Variants in HEPHL1 observed in about 807,000 individuals in gnomAD.
HEPHL1 encodes hephaestin like 1, also known as ferroxidase HEPHL1.
Under a neutral mutation model 122.0 loss-of-function variants are expected in HEPHL1, and 123 were observed. The observed-to-expected ratio is 1.01, with a 90% CI of 0.87 to 1.17. The LOEUF (loss-of-function observed/expected upper bound fraction) is 1.17, where lower values mean the gene tolerates loss of function less well. Ranked by LOEUF, HEPHL1 falls within the 50% of genes most tolerant of loss-of-function variation. The probability of loss-of-function intolerance (pLI) is 0.00; values close to 1 mark genes in which losing one functional copy is unlikely to be tolerated. For synonymous variants in HEPHL1, 527 were observed against 508.9 expected (o/e 1.04, Z -0.48); for missense variants, 1,452 against 1,430.5 (o/e 1.01, Z -0.24).
chr11:94,030,915 T>C (rs1472831392), intron 1 of HEPHL1, among the ~76,000 whole-genome samples: 5 of 152,112 alleles, frequency 3.3e-5, no homozygotes, highest in Non-Finnish European at 7.4e-5. Context: ...CCTCAATGCC[T>C]GAGAGGAGAG....
chr11:94,044,785 C>G (rs1047032474), intron 1 of HEPHL1, among the ~76,000 whole-genome samples: 42 of 137,166 alleles, frequency 3.1e-4, no homozygotes, highest in African/African-American at 1.1e-3. Context: ...TTTTTTGAGA[C>G]AGGATCTTGC....
intron 2 of HEPHL1, among the ~76,000 whole-genome samples, 174 bp downstream of exon 2, chr11:94,046,091 C>CTTTTTTTTT (rs755367459): frequency 0.044 from 2,843 of 64,994 alleles, 793 homozygotes; most frequent in East Asian, 0.14. Flanking sequence ...CCCTTTCTTG[C>CTTTTTTTTT]TTTTTTTTTT....
intron 4 of HEPHL1, 128 bp from the exon 5 acceptor site, chr11:94,067,368 G>T: frequency 1.2e-6 from 1 of 831,672 alleles, no homozygotes. Flanking sequence ...AGGTTTTTCT[G>T]CACCAAAACC....
At chr11:94,035,462 C>A (rs936771614) in intron 1 of HEPHL1, among the ~76,000 whole-genome samples, 2 of 152,198 alleles carry the variant, frequency 1.3e-5, no homozygotes, top group African/African-American at 4.8e-5. Flanking sequence ...AGAGGCGATG[C>A]CTGTGGGATC....
intron 17 of HEPHL1, among the ~76,000 whole-genome samples, chr11:94,108,800 T>A (rs1946427348): frequency 1.3e-5 from 2 of 152,146 alleles, no homozygotes; most frequent in Admixed American, 1.3e-4. Context: ...ATTACTTTAG[T>A]ATTATAGTAA....
chr11:94,098,980 A>G (rs570458355), intron 13 of HEPHL1, among the ~76,000 whole-genome samples: 2 of 152,286 alleles, frequency 1.3e-5, no homozygotes, highest in Non-Finnish European at 2.9e-5. Flanking sequence ...AGCTTGGAGA[A>G]GTCTGATCGT....
At chr11:94,037,740 G>A (rs201199812) in intron 1 of HEPHL1, among the ~76,000 whole-genome samples, 6,946 of 150,790 alleles carry the variant, frequency 0.046, 334 homozygotes, top group East Asian at 0.19. Flanking sequence ...CATCAAAGAC[G>A]AAAAGTAGAT....
At chr11:94,084,978 C>T (rs1429304832) in intron 10 of HEPHL1, among the ~76,000 whole-genome samples, 6 of 152,118 alleles carry the variant, frequency 3.9e-5, no homozygotes, top group Non-Finnish European at 8.8e-5. Flanking sequence ...TTTGCACCAA[C>T]CTAACAAAAA....
At chr11:94,030,738 C>G (rs964017712) in intron 1 of HEPHL1, among the ~76,000 whole-genome samples, 2 of 152,158 alleles carry the variant, frequency 1.3e-5, no homozygotes, top group African/African-American at 4.8e-5. Flanking sequence ...GTCCAGGGGT[C>G]AGGCATCCCA....
chr11:94,038,312 G>C (rs1278197878), intron 1 of HEPHL1, among the ~76,000 whole-genome samples: 1 of 144,222 alleles, frequency 6.9e-6, no homozygotes, highest in African/African-American at 2.6e-5. Context: ...TATTATCCAG[G>C]AGAACTTCCC....
rs115524328 is a variant in HEPHL1 at position 94,103,968 on chromosome 11, G to T, written c.2683-560G>T. On this transcript the variant is annotated intron_variant, in intron 15 of 19. Transcript: ENST00000315765. ...CCCACCAAATACTATGAGAGATGCAGATACTCTTGTCTTAAAGAAACTTAT... is the reference window on the plus strand; with the variant it reads ...CCCACCAAATACTATGAGAGATGCATATACTCTTGTCTTAAAGAAACTTAT... Among the ~76,000 whole-genome samples, 137 of 152,308 alleles carry T rather than the reference G, an allele frequency of 9.0e-4. 1 individual carries two copies. Among genetic ancestry groups the T allele is most frequent in the African/African-American group, 3.2e-3 (133 of 41,560 alleles).
chr11:94,091,938 G>T (rs144619815), intron 12 of HEPHL1, among the ~76,000 whole-genome samples: 1 of 152,310 alleles, frequency 6.6e-6, no homozygotes, highest in Non-Finnish European at 1.5e-5. Context: ...AGGCTCAGGA[G>T]GTGGCAAAAG....
intron 2 of HEPHL1, 71 bp downstream of exon 2, chr11:94,045,988 A>C: frequency 2.2e-6 from 3 of 1,348,676 alleles, no homozygotes; most frequent in Non-Finnish European, 3.0e-6. Context: ...AGAGTTAAAG[A>C]GATTTTAGGA....
At chr11:94,070,804 A>T (rs1316510862) in intron 6 of HEPHL1, among the ~76,000 whole-genome samples, 2 of 152,152 alleles carry the variant, frequency 1.3e-5, no homozygotes, top group Non-Finnish European at 2.9e-5. Flanking sequence ...AGTAGGCACT[A>T]TGTGCAAACT....
In HEPHL1 at chr11:94,112,697, A is replaced by G. The variant is rs191657910; in HGVS notation, c.*803A>G. ...AGACTGTGGGAGGGCTGAAATCTGT[A>G]AAAGAACATGTTAGGCTCTCCCTTT... On this transcript the variant is annotated 3_prime_UTR_variant, in exon 20 of 20. Transcript: ENST00000315765. The G allele has an allele frequency of 4.7e-4, 72 of 152,348 alleles. 1 individual carries two copies. In the East Asian group the frequency reaches 0.01, roughly 21 times the overall value. 9.4% of individuals were successfully genotyped at this position (152,348 alleles called of 1,614,324 possible).
At chr11:94,026,054 T>G (rs1945622113) in intron 1 of HEPHL1, among the ~76,000 whole-genome samples, 1 of 152,176 alleles carries the variant, frequency 6.6e-6, no homozygotes, top group Non-Finnish European at 1.5e-5. Flanking sequence ...GTGGGATAGA[T>G]GGTATAACAA....
At chr11:94,098,570 G>A (rs1227404033) in intron 13 of HEPHL1, among the ~76,000 whole-genome samples, 2 of 152,250 alleles carry the variant, frequency 1.3e-5, no homozygotes, top group South Asian at 2.1e-4. Flanking sequence ...GCCTTGCTAG[G>A]TTGGGGAAGT....
At chr11:94,075,989 C>T (rs1946119590) in intron 9 of HEPHL1, among the ~76,000 whole-genome samples, 1 of 152,088 alleles carries the variant, frequency 6.6e-6, no homozygotes, top group Non-Finnish European at 1.5e-5. Flanking sequence ...TGATATTAAA[C>T]ATATTAATGA....
At chr11:94,106,168 G>C (rs752062858) in intron 17 of HEPHL1, 38 bp downstream of exon 17, 48 of 1,463,538 alleles carry the variant, frequency 3.3e-5, no homozygotes, top group Admixed American at 6.1e-5. Context: ...AGACGTTTTT[G>C]AACTAACAAA....
Sources: gnomAD v4.1 joint callset for allele counts (sites outside exome capture counted in the v4.1 genomes callset) on GRCh38, gnomAD v4.1.1 for gene constraint, MANE v1.5 for transcripts, NCBI Gene and HGNC (gene_info 2026-07-23, HGNC 2026-07-21) for gene names.